CFAP47: variants seen among roughly 807,000 people sequenced by gnomAD.
CFAP47 encodes the protein cilia and flagella associated protein 47, also known as cilia- and flagella-associated protein 47.
Under a neutral mutation model 148.1 loss-of-function variants are expected in CFAP47, and 29 were observed. That is an observed-to-expected ratio of 0.20 (90% CI 0.15 to 0.27). CFAP47 has a LOEUF of 0.27. Ranked by LOEUF, CFAP47 falls within the 10% of genes least tolerant of loss-of-function variation. The pLI is 1.00. For synonymous variants in CFAP47, 664 were observed against 577.3 expected, an observed-to-expected ratio of 1.15 and a Z score of -2.15; for missense variants, 1,872 against 1,697.5, an observed-to-expected ratio of 1.10 and a Z score of -1.81.
intron 35 of CFAP47, among the ~76,000 whole-genome samples, chrX:36,141,182 T>G (rs923259459): frequency 7.3e-5 from 8 of 109,677 alleles, no homozygotes; most frequent in Non-Finnish European, 1.3e-4. Context: ...AGCAGTCTCA[T>G]GATAGGCTGC....
intron 25 of CFAP47, among the ~76,000 whole-genome samples, chrX:36,040,994 G>A (rs912057078): frequency 9.0e-6 from 1 of 111,111 alleles, no homozygotes; most frequent in African/African-American, 3.3e-5. Context: ...ATCCATACAT[G>A]GAAATATATA....
At chrX:36,037,194 C>T (rs1937347928) in intron 24 of CFAP47, among the ~76,000 whole-genome samples, 1 of 111,748 alleles carries the variant, frequency 8.9e-6, no homozygotes, top group African/African-American at 3.2e-5. Context: ...ATGTGCCTGT[C>T]GACATTTATA....
chrX:36,175,317 C>T (rs947414374), intron 39 of CFAP47, among the ~76,000 whole-genome samples: 5 of 112,178 alleles, frequency 4.5e-5, no homozygotes, highest in African/African-American at 1.3e-4. Flanking sequence ...GGTCATTCTC[C>T]GTCTCTTTGT....
intron 29 of CFAP47, among the ~76,000 whole-genome samples, chrX:36,083,234 A>G (rs1938015716): frequency 9.0e-6 from 1 of 110,701 alleles, no homozygotes; most frequent in South Asian, 3.7e-4. Context: ...GTGCATACAT[A>G]CATATAGATG....
chrX:36,242,848 C>T (rs782384914), intron 48 of CFAP47, among the ~76,000 whole-genome samples: 2 of 111,281 alleles, frequency 1.8e-5, no homozygotes, highest in Non-Finnish European at 3.8e-5. Flanking sequence ...AGATACTATA[C>T]AAGACAACTA....
chrX:35,932,408 C>T (rs776113546), intron 2 of CFAP47, among the ~76,000 whole-genome samples: 8 of 105,017 alleles, frequency 7.6e-5, no homozygotes, highest in East Asian at 3.1e-4. Context: ...TACAAGCACC[C>T]GCCACCACGC....
At chrX:36,057,565 TA>T (rs779974740) in intron 26 of CFAP47, among the ~76,000 whole-genome samples, 2 of 112,052 alleles carry the variant, frequency 1.8e-5, no homozygotes, top group African/African-American at 6.5e-5. Flanking sequence ...TAACTTTTGT[TA>T]AAAAATACCC....
intron 46 of CFAP47, among the ~76,000 whole-genome samples, chrX:36,232,357 A>C (rs868952158): frequency 8.9e-6 from 1 of 111,795 alleles, no homozygotes; most frequent in African/African-American, 3.2e-5. Flanking sequence ...TGTATGTGTC[A>C]AGGAATTTAT....
At chrX:36,173,533 A>T (rs752876398) in intron 39 of CFAP47, among the ~76,000 whole-genome samples, 39 of 111,357 alleles carry the variant, frequency 3.5e-4, no homozygotes, top group African/African-American at 1.2e-3. Context: ...GAACATCTTT[A>T]TTTCTGCCTT....
At chrX:36,106,123 G>A (rs1429654783) in intron 33 of CFAP47, among the ~76,000 whole-genome samples, 2 of 111,830 alleles carry the variant, frequency 1.8e-5, no homozygotes, top group African/African-American at 6.5e-5. Flanking sequence ...TCTAAAACAG[G>A]ATATCCTTCA....
intron 1 of CFAP47, among the ~76,000 whole-genome samples, chrX:35,920,703 G>C (rs906321943): frequency 1.8e-5 from 2 of 111,468 alleles, no homozygotes; most frequent in African/African-American, 6.5e-5. Context: ...GTGTGTGAAT[G>C]GATGGTTATT....
chrX:36,287,253 C>G (rs1941143386), intron 51 of CFAP47, among the ~76,000 whole-genome samples: 2 of 111,013 alleles, frequency 1.8e-5, no homozygotes, highest in South Asian at 7.5e-4. Flanking sequence ...AATAATGGCC[C>G]TTGTTCATTT....
Position 36,239,889 on chromosome X carries a change from G to A in CFAP47, c.7332+3030G>A, listed in dbSNP as rs138497028. Among the ~76,000 whole-genome samples, 226 of 111,668 alleles carry A rather than the reference G, an allele frequency of 2.0e-3. 1 individual carries two copies. The highest frequency in any genetic ancestry group is 6.9e-3 in the African/African-American group (211 of 30,775). ...GCTAAATCAGAGTTTTAAACTACTTGAGTACTTAAAGTATACAACAACACA... is the reference window on the plus strand; with the variant it reads ...GCTAAATCAGAGTTTTAAACTACTTAAGTACTTAAAGTATACAACAACACA... On this transcript the variant is annotated intron_variant, in intron 48 of 63. Transcript: ENST00000378653.
chrX:36,237,072 A>C (rs1359308161), intron 48 of CFAP47, among the ~76,000 whole-genome samples: 2 of 112,124 alleles, frequency 1.8e-5, no homozygotes, highest in Non-Finnish European at 3.8e-5. Flanking sequence ...AATAAGTCTT[A>C]TATGTATATA....
At chrX:36,162,819 T>A (rs967642720) in intron 39 of CFAP47, among the ~76,000 whole-genome samples, 3 of 111,885 alleles carry the variant, frequency 2.7e-5, no homozygotes, top group African/African-American at 9.7e-5. Flanking sequence ...GCTAGTACAG[T>A]ATTTTATTGA....
intron 6 of CFAP47, among the ~76,000 whole-genome samples, chrX:35,953,320 A>T (rs1199100618): frequency 1.8e-5 from 2 of 111,915 alleles, no homozygotes; most frequent in Non-Finnish European, 3.8e-5. Context: ...GTGGCATTTG[A>T]GCTAGACCTT....
intron 22 of CFAP47, among the ~76,000 whole-genome samples, chrX:36,023,337 A>T (rs1446415000): frequency 8.9e-6 from 1 of 111,964 alleles, no homozygotes; most frequent in African/African-American, 3.2e-5. Context: ...GTTCTGAGAC[A>T]CATGGAGTTG....
Position 36,274,732 on chromosome X carries a change from A to G in CFAP47, c.7445-5755A>G, listed in dbSNP as rs184450206. Among the ~76,000 whole-genome samples, 251 of 112,237 alleles carry G rather than the reference A, an allele frequency of 2.2e-3. 1 individual carries two copies. Among genetic ancestry groups the G allele is most frequent in the African/African-American group, 7.5e-3 (232 of 30,971 alleles). ...TGAACATTTGCTGAATGCTTTAACA[A>G]GTTTTTATGTGGAATCCTTAAGGTT... On this transcript the variant is annotated intron_variant, in intron 49 of 63. Coordinates refer to ENST00000378653, the MANE Select transcript of CFAP47 (RefSeq NM_001304548.2).
At chrX:36,272,409 T>G (rs1349241501) in intron 49 of CFAP47, among the ~76,000 whole-genome samples, 1 of 111,353 alleles carries the variant, frequency 9.0e-6, no homozygotes, top group African/African-American at 3.3e-5. Context: ...GTATTTTGAG[T>G]AAGTTATCCA....
Sources: gnomAD v4.1 joint callset for allele counts (sites outside exome capture counted in the v4.1 genomes callset) on GRCh38, gnomAD v4.1.1 for gene constraint, MANE v1.5 for transcripts, NCBI Gene and HGNC (gene_info 2026-07-23, HGNC 2026-07-21) for gene names.